The following PIK3CG variants were observed in gnomAD, a reference collection of about 807,000 sequenced individuals.
The protein encoded by PIK3CG is phosphatidylinositol 4,5-bisphosphate 3-kinase catalytic subunit gamma isoform.
A neutral mutation model predicts 102.3 loss-of-function variants in PIK3CG; 55 were observed. The observed-to-expected ratio is 0.54, with a 90% confidence interval of 0.43 to 0.67. The LOEUF (loss-of-function observed/expected upper bound fraction) is 0.67, where lower values mean the gene tolerates loss of function less well. Among genes scored for constraint, PIK3CG ranks in the 30% least tolerant of loss-of-function variants. The pLI is 0.00. For missense variants in PIK3CG, 1,258 were observed against 1,391.8 expected (o/e 0.90, Z 1.53); for synonymous variants, 552 against 540.0 (o/e 1.02, Z -0.31).
intron 5 of PIK3CG, among the ~76,000 whole-genome samples, chr7:106,875,359 CAAAAAAA>C (rs35537666): frequency 7.9e-6 from 1 of 126,738 alleles, no homozygotes; most frequent in African/African-American, 3.1e-5. Flanking sequence ...GACTCCGTCT[CAAAAAAA>C]AAAAAAAAAG....
In PIK3CG at chr7:106,899,791, T is replaced by C. The variant is rs368935310; in HGVS notation, c.3031-5318T>C. Among the ~76,000 whole-genome samples the C allele has an allele frequency of 1.8e-4, 27 of 152,186 alleles. No homozygotes were observed. The highest frequency in any genetic ancestry group is 6.5e-4 in the African/African-American group (27 of 41,440). ...GTATTTGAAGATTTTTGTATTGATG[T>C]TCACCAAGGATATTGGCCTGAAGTT... On this transcript the variant is annotated intron_variant, in intron 10 of 10. Transcript: ENST00000496166. The surrounding 1 kb of genome is among the most constrained non-coding windows in gnomAD (Gnocchi z 4.6).
Position 106,891,088 on chromosome 7 carries a change from A to G in PIK3CG, c.3030+4796A>G, listed in dbSNP as rs918585353. 6.6e-6 allele frequency among the ~76,000 whole-genome samples: 1 copy of G among 152,240 alleles called. No homozygotes were observed. The highest frequency in any genetic ancestry group is 1.5e-5 in the Non-Finnish European group (1 of 68,036). On this transcript the variant is annotated intron_variant, in intron 10 of 10. Coordinates refer to ENST00000496166, the MANE Select transcript of PIK3CG (RefSeq NM_001282426.2). The surrounding 1 kb of genome is among the most constrained non-coding windows in gnomAD (Gnocchi z 4.4). ...ATCCCAACTGTGAGCTCTGTGCAGC[A>G]GGGCCACATGTGTCCTGTGTCCCTC... is the stretch of plus-strand genomic sequence containing the variant.
In PIK3CG at chr7:106,899,375, T is replaced by C. The variant is rs546093612; in HGVS notation, c.3031-5734T>C. ...TTATTTCTTCCTCTTGCCTGATTGCTCTGGCCAGGACTTCCAATACTATGT... is the reference window on the plus strand; with the variant it reads ...TTATTTCTTCCTCTTGCCTGATTGCCCTGGCCAGGACTTCCAATACTATGT... On this transcript the variant is annotated intron_variant, in intron 10 of 10. Coordinates refer to ENST00000496166, the MANE Select transcript of PIK3CG (RefSeq NM_001282426.2). The surrounding 1 kb of genome is among the most constrained non-coding windows in gnomAD (Gnocchi z 4.6). Among the ~76,000 whole-genome samples, 134 of 152,304 alleles carry C rather than the reference T, an allele frequency of 8.8e-4. No homozygotes were observed. The highest frequency in any genetic ancestry group is 3.4e-3 in the Middle Eastern group (1 of 294).
rs2116446264 is a variant in PIK3CG, at chr7:106,868,653, G to T, written c.1092G>T (p.Lys364Asn). Residue 364 changes from lysine (K) to asparagine (N), a missense_variant, in exon 2 of 11, where the codon AAG (lysine) becomes AAT (asparagine). Transcript: ENST00000496166. The surrounding 1 kb of genome is among the most constrained non-coding windows in gnomAD (Gnocchi z 6.2). Reference protein sequence around the residue: ...LWDCDRKFRVKIRGIDIPVLP... With the variant: ...LWDCDRKFRVNIRGIDIPVLP... ...ACTGCGACCGCAAGTTCAGGGTCAA[G>T]ATCAGAGGCATTGATATCCCCGTCC... 2.5e-6 allele frequency: 4 copies of T among 1,614,222 alleles called. No homozygotes were observed. Among genetic ancestry groups the T allele is most frequent in the Non-Finnish European group, 2.5e-6 (3 of 1,180,048 alleles).
rs781726578 is a variant in PIK3CG, at chr7:106,868,131, C to G, written c.570C>G (p.Ser190Arg). 5.0e-6 allele frequency: 8 copies of G among 1,612,078 alleles called. No homozygotes were observed. Among genetic ancestry groups the G allele is most frequent in the Non-Finnish European group, 6.8e-6 (8 of 1,179,408 alleles). Residue 190 changes from serine to arginine, a missense_variant, in exon 2 of 11, where the codon AGC (serine) becomes AGG (arginine). This residue lies in a region of PIK3CG where 832 missense variants were observed against 787.5 expected (regional missense o/e 1.06). Coordinates refer to ENST00000496166, the MANE Select transcript of PIK3CG (RefSeq NM_001282426.2). The surrounding 1 kb of genome is among the most constrained non-coding windows in gnomAD (Gnocchi z 6.2). ...CCCCGCGCATGGCGGAGGTGGCCAGCCGCGACCCCAAGCTCTACGCCATGC... is the reference window on the plus strand; with the variant it reads ...CCCCGCGCATGGCGGAGGTGGCCAGGCGCGACCCCAAGCTCTACGCCATGC... ...LVTPRMAEVA[S>R]RDPKLYAMHP...
rs892684908 is a variant in PIK3CG at position 106,877,069 on chromosome 7, C to T, written c.2391+2266C>T. On this transcript the variant is annotated intron_variant, in intron 5 of 10. Transcript: ENST00000496166. This position sits in a 1 kb window ranked among gnomAD's most constrained non-coding sequence, Gnocchi z 4.5. ...AAAAAAATAGCCGGGCATGGTGGCA[C>T]GTGCCATAGTCCCCACTACTTGGAA... Among the ~76,000 whole-genome samples, 4 of 152,058 alleles carry T rather than the reference C, an allele frequency of 2.6e-5. No individual in the cohort carries two copies. The highest frequency in any genetic ancestry group is 3.2e-3 in the Middle Eastern group (1 of 316).
intron 10 of PIK3CG, among the ~76,000 whole-genome samples, chr7:106,901,352 A>G (rs756123673): frequency 6.6e-6 from 1 of 151,420 alleles, no homozygotes; most frequent in South Asian, 2.1e-4. Flanking sequence ...TTATTCTGCT[A>G]TTAATACTTG....
chr7:106,894,024 A>T lies in PIK3CG; in HGVS notation c.3030+7732A>T, dbSNP rs1220283481. ...TATGGAATTATAATCTTATGAAACA[A>T]CTATGATAGATGCAGTCCATGGTTG... On this transcript the variant is annotated intron_variant, in intron 10 of 10. Coordinates refer to ENST00000496166, the MANE Select transcript of PIK3CG (RefSeq NM_001282426.2). This position sits in a 1 kb window ranked among gnomAD's most constrained non-coding sequence, Gnocchi z 4.4. Among the ~76,000 whole-genome samples, 1 of 152,206 alleles carries T rather than the reference A, an allele frequency of 6.6e-6. No homozygotes were observed. The highest frequency in any genetic ancestry group is 1.5e-5 in the Non-Finnish European group (1 of 68,036).
chr7:106,891,780 G>A lies in PIK3CG; in HGVS notation c.3030+5488G>A, dbSNP rs1026169216. 2.6e-5 allele frequency among the ~76,000 whole-genome samples: 4 copies of A among 151,888 alleles called. No homozygotes were observed. The highest frequency in any genetic ancestry group is 1.9e-4 in the East Asian group (1 of 5,176). ...TAGGAGAAAAGTCTGGAGCCCATTC[G>A]TTGTGTTATTTTAATCTAGGATGAC... On this transcript the variant is annotated intron_variant, in intron 10 of 10. Coordinates refer to ENST00000496166, the MANE Select transcript of PIK3CG (RefSeq NM_001282426.2). This position sits in a 1 kb window ranked among gnomAD's most constrained non-coding sequence, Gnocchi z 4.4.
Position 106,902,832 on chromosome 7 carries a change from A to C in PIK3CG, c.3031-2277A>C, listed in dbSNP as rs1791596516. On this transcript the variant is annotated intron_variant, in intron 10 of 10. Transcript: ENST00000496166. The surrounding 1 kb of genome is among the most constrained non-coding windows in gnomAD (Gnocchi z 4.3). ...TATTATGTATAGCTTTTTTTCTCTCAAAAGTTTTAAGTTCCTGTAGTCTCA... is the reference window on the plus strand; with the variant it reads ...TATTATGTATAGCTTTTTTTCTCTCCAAAGTTTTAAGTTCCTGTAGTCTCA... 6.6e-6 allele frequency among the ~76,000 whole-genome samples: 1 copy of C among 152,030 alleles called. No individual in the cohort carries two copies.
rs2116620693 is a variant in PIK3CG at position 106,905,441 on chromosome 7, A to G, written c.*54A>G. On this transcript the variant is annotated 3_prime_UTR_variant, in exon 11 of 11. Transcript: ENST00000496166. This position sits in a 1 kb window ranked among gnomAD's most constrained non-coding sequence, Gnocchi z 5.6. ...AGTGTTCTATGGTTTAAATTAGCATAGCAATCATCGAACTTGGATTTCAAA... is the reference window on the plus strand; with the variant it reads ...AGTGTTCTATGGTTTAAATTAGCATGGCAATCATCGAACTTGGATTTCAAA... The G allele has an allele frequency of 6.6e-7, 1 of 1,507,952 alleles. No individual in the cohort carries two copies. Among genetic ancestry groups the G allele is most frequent in the Non-Finnish European group, 9.0e-7 (1 of 1,108,944 alleles). The allele number at this position is 1,507,952 out of a possible 1,614,324, so 93.4% of individuals were successfully genotyped here. A position where few individuals can be genotyped will look rare whatever the true frequency, so the allele number is the denominator to read the frequency against.
rs1790996078 is a variant in PIK3CG, at chr7:106,883,260, T to G, written c.2760+97T>G. ...GTTTTCAGAGAATCTGCCAGTGTCT[T>G]GCCTCCTGACATATTAGTGAAGTTT... On this transcript the variant is annotated intron_variant, in intron 8 of 10. Transcript: ENST00000496166. This position sits in a 1 kb window ranked among gnomAD's most constrained non-coding sequence, Gnocchi z 5.8. 1.5e-6 allele frequency: 2 copies of G among 1,294,542 alleles called. No individual in the cohort carries two copies. Among genetic ancestry groups the G allele is most frequent in the Admixed American group, 3.8e-5 (2 of 53,008 alleles). 80.2% of individuals were successfully genotyped at this position (1,294,542 alleles called of 1,614,324 possible). A position where few individuals can be genotyped will look rare whatever the true frequency, so the allele number is the denominator to read the frequency against.
chr7:106,901,533 GT>G (rs1172166319), intron 10 of PIK3CG, among the ~76,000 whole-genome samples: 1 of 152,046 alleles, frequency 6.6e-6, no homozygotes, highest in Non-Finnish European at 1.5e-5. Flanking sequence ...CTTTGTTCCT[GT>G]CCATATTCTG....
At position 106,868,459 on chromosome 7, in the gene PIK3CG, G is replaced by A. The variant is rs747198572; in HGVS notation, c.898G>A (p.Gly300Arg). 2 of 1,614,194 alleles carry A rather than the reference G, an allele frequency of 1.2e-6. No homozygotes were observed. The highest frequency in any genetic ancestry group is 1.1e-5 in the South Asian group (1 of 91,088). Residue 300 changes from glycine to arginine, a missense_variant, in exon 2 of 11, where the codon GGA (glycine) becomes AGA (arginine). Gly to Arg is a moderately radical substitution (Grantham distance 125). Coordinates refer to ENST00000496166, the MANE Select transcript of PIK3CG (RefSeq NM_001282426.2). The surrounding 1 kb of genome is among the most constrained non-coding windows in gnomAD (Gnocchi z 6.2). ...FQWVRHCLKN[G>R]EEIHVVLDTP... ...GTGGGTGAGGCACTGCCTCAAGAAC[G>A]GAGAAGAGATTCACGTGGTACTGGA...
chr7:106,881,938 CAA>C lies in PIK3CG; in HGVS notation c.2539-177_2539-176del, dbSNP rs1275647625. On this transcript the variant is annotated intron_variant, in intron 6 of 10. Coordinates refer to ENST00000496166, the MANE Select transcript of PIK3CG (RefSeq NM_001282426.2). ...TCGGAAAACAAAATTAACAAGCTCA[CAA>C]AGAAGAGAAACTTTAGAGTACCAGA... is the stretch of plus-strand genomic sequence containing the variant. 2.6e-5 allele frequency among the ~76,000 whole-genome samples: 4 copies of C among 152,134 alleles called. No individual in the cohort carries two copies. In the East Asian group the frequency reaches 7.7e-4, roughly 29 times the overall value.
rs1482773725 is a variant in PIK3CG at position 106,879,437 on chromosome 7, T to C, written c.2392-82T>C. 7.4e-6 allele frequency: 8 copies of C among 1,081,096 alleles called. No individual in the cohort carries two copies. The highest frequency in any genetic ancestry group is 3.8e-5 in the Admixed American group (2 of 52,918). The allele number at this position is 1,081,096 out of a possible 1,614,324, so 67.0% of individuals were successfully genotyped here. A position where few individuals can be genotyped will look rare whatever the true frequency, so the allele number is the denominator to read the frequency against. On this transcript the variant is annotated intron_variant, in intron 5 of 10. Coordinates refer to ENST00000496166, the MANE Select transcript of PIK3CG (RefSeq NM_001282426.2). This position sits in a 1 kb window ranked among gnomAD's most constrained non-coding sequence, Gnocchi z 4.9. ...ACTTTGTCCTTGTTGTTTATAGTGA[T>C]GTTTTGCAAGAGAATTTGTGTCTCC...
chr7:106,903,072 G>A lies in PIK3CG; in HGVS notation c.3031-2037G>A, dbSNP rs1446313055. On this transcript the variant is annotated intron_variant, in intron 10 of 10. Transcript: ENST00000496166. This position sits in a 1 kb window ranked among gnomAD's most constrained non-coding sequence, Gnocchi z 4.3. ...TAATAGATCTTTTCCCCACCAATTT[G>A]AAAAGCCACCTGTATTATATATCAT... 6.6e-6 allele frequency among the ~76,000 whole-genome samples: 1 copy of A among 151,996 alleles called. No homozygotes were observed. The highest frequency in any genetic ancestry group is 1.5e-5 in the Non-Finnish European group (1 of 67,990).
Position 106,895,959 on chromosome 7 carries a change from G to A in PIK3CG, c.3031-9150G>A, listed in dbSNP as rs1791398127. On this transcript the variant is annotated intron_variant, in intron 10 of 10. Transcript: ENST00000496166. This position sits in a 1 kb window ranked among gnomAD's most constrained non-coding sequence, Gnocchi z 5.4. ...CTTTCAGCAAAGGCTGATTAAAGCT[G>A]CACCAAGTCTCTAAGTGTGTACAGC... Among the ~76,000 whole-genome samples, 1 of 152,228 alleles carries A rather than the reference G, an allele frequency of 6.6e-6. No homozygotes were observed. The highest frequency in any genetic ancestry group is 2.4e-5 in the African/African-American group (1 of 41,466).
Position 106,894,364 on chromosome 7 carries a change from G to A in PIK3CG, c.3030+8072G>A, listed in dbSNP as rs781781730. 2.0e-5 allele frequency among the ~76,000 whole-genome samples: 3 copies of A among 152,030 alleles called. No individual in the cohort carries two copies. Among genetic ancestry groups the A allele is most frequent in the Non-Finnish European group, 4.4e-5 (3 of 67,992 alleles). On this transcript the variant is annotated intron_variant, in intron 10 of 10. Transcript: ENST00000496166. This position sits in a 1 kb window ranked among gnomAD's most constrained non-coding sequence, Gnocchi z 4.4. ...CTAATGTGCTTCTAGCTAAATATTC[G>A]AGAAGATGACAGTACAGCCCTTCTC...
Sources: allele counts gnomAD v4.1 joint callset (sites outside exome capture counted in the v4.1 genomes callset), GRCh38; gene constraint gnomAD v4.1.1; regional missense constraint gnomAD v4.1.1; non-coding constraint Gnocchi (gnomAD v3.1); transcripts MANE v1.5; gene names NCBI Gene and HGNC (gene_info 2026-07-23, HGNC 2026-07-21).